Variants in LZTFL1 observed in about 807,000 individuals in gnomAD.
LZTFL1 encodes leucine zipper transcription factor like 1, also known as leucine zipper transcription factor-like protein 1.
A neutral mutation model predicts 45.9 loss-of-function variants in LZTFL1; 25 were observed. The ratio of observed to expected loss-of-function variants is 0.54; its 90% confidence interval spans 0.40 to 0.76. LZTFL1 has a LOEUF of 0.76. Ranked by LOEUF, LZTFL1 falls within the 30% of genes least tolerant of loss-of-function variation. The probability of loss-of-function intolerance (pLI) is 0.00; values close to 1 mark genes in which losing one functional copy is unlikely to be tolerated. For missense variants in LZTFL1, 277 were observed against 331.1 expected, an observed-to-expected ratio of 0.84 and a Z score of 1.27; for synonymous variants, 93 against 117.4, an observed-to-expected ratio of 0.79 and a Z score of 1.35.
At chr3:45,839,783 T>C (rs534184202) in intron 1 of LZTFL1, among the ~76,000 whole-genome samples, 3 of 152,304 alleles carry the variant, frequency 2.0e-5, no homozygotes, top group African/African-American at 7.2e-5. Context: ...AAGAAATGCA[T>C]ACAATTGGAT....
At chr3:45,885,939 C>G (rs1017593618) in intron 2 of LZTFL1, among the ~76,000 whole-genome samples, 1 of 152,184 alleles carries the variant, frequency 6.6e-6, no homozygotes, top group Non-Finnish European at 1.5e-5. Context: ...TGTTCTTGAA[C>G]TCCTAGGCTC....
intron 2 of LZTFL1, among the ~76,000 whole-genome samples, chr3:45,887,277 G>A (rs34338823): frequency 0.089 from 13,452 of 151,908 alleles, 1,028 homozygotes; most frequent in South Asian, 0.36. Context: ...GTGTGTGTGA[G>A]GTTGTGTTAC....
intron 2 of LZTFL1, among the ~76,000 whole-genome samples, chr3:45,879,038 C>A (rs182672186): frequency 6.6e-6 from 1 of 152,224 alleles, no homozygotes; most frequent in African/African-American, 2.4e-5. Flanking sequence ...TATGGAGCAT[C>A]AGGAACTCTT....
At chr3:45,869,943 A>G (rs1267185678) in intron 2 of LZTFL1, among the ~76,000 whole-genome samples, 3 of 152,246 alleles carry the variant, frequency 2.0e-5, no homozygotes, top group African/African-American at 7.2e-5. Context: ...TATGTCAACA[A>G]AAGTACTCGA....
chr3:45,882,195 A>G (rs778507303), intron 2 of LZTFL1, among the ~76,000 whole-genome samples: 25 of 152,228 alleles, frequency 1.6e-4, no homozygotes, highest in Admixed American at 8.5e-4. Context: ...CTGGGCTTCA[A>G]CCATGGCCAG....
At chr3:45,875,547 T>C (rs1424202946) in intron 2 of LZTFL1, among the ~76,000 whole-genome samples, 4 of 152,134 alleles carry the variant, frequency 2.6e-5, no homozygotes, top group Non-Finnish European at 5.9e-5. Context: ...TCTGGCCAGG[T>C]GCAGTGGCAC....
chr3:45,850,692 T>C (rs1430691869), intron 4 of LZTFL1, among the ~76,000 whole-genome samples: 2 of 152,138 alleles, frequency 1.3e-5, no homozygotes, highest in Non-Finnish European at 1.5e-5. Context: ...AAACACTCCT[T>C]ACCAAAGAGG....
At chr3:45,897,932 C>T (rs927014657) in intron 2 of LZTFL1, among the ~76,000 whole-genome samples, 5 of 139,372 alleles carry the variant, frequency 3.6e-5, no homozygotes, top group South Asian at 2.6e-4. Context: ...GCTTCACAGC[C>T]GTGGGCTCAG....
intron 7 of LZTFL1, among the ~76,000 whole-genome samples, chr3:45,830,379 A>G (rs1316942375): frequency 6.6e-6 from 1 of 152,238 alleles, no homozygotes; most frequent in Non-Finnish European, 1.5e-5. Context: ...AAGCATGAAG[A>G]ACTACAACAC....
chr3:45,899,212 AG>A (rs1347466115), intron 2 of LZTFL1, among the ~76,000 whole-genome samples: 1 of 152,254 alleles, frequency 6.6e-6, no homozygotes, highest in Non-Finnish European at 1.5e-5. Flanking sequence ...AGGACTTTTC[AG>A]ATCCTTCAAT....
intron 2 of LZTFL1, among the ~76,000 whole-genome samples, chr3:45,892,589 A>G (rs1702220849): frequency 6.6e-6 from 1 of 152,122 alleles, no homozygotes; most frequent in African/African-American, 2.4e-5. Flanking sequence ...GGGTGAGGAT[A>G]AAAAAACTAT....
chr3:45,893,724 C>T (rs1310487531), intron 2 of LZTFL1, among the ~76,000 whole-genome samples: 3 of 152,172 alleles, frequency 2.0e-5, no homozygotes, highest in Non-Finnish European at 2.9e-5. Flanking sequence ...CAGTTTTTGC[C>T]TACCACAGAG....
chr3:45,830,828 G>A (rs896551562), intron 7 of LZTFL1, 85 bp downstream of exon 7: 1 of 1,151,462 alleles, frequency 8.7e-7, no homozygotes, highest in Non-Finnish European at 1.3e-6. Flanking sequence ...GTGGGGTACA[G>A]TGAGCAGTAA....
At chr3:45,904,548 T>G (rs1016927881) in intron 2 of LZTFL1, among the ~76,000 whole-genome samples, 5 of 152,208 alleles carry the variant, frequency 3.3e-5, no homozygotes, top group African/African-American at 1.2e-4. Context: ...TTGTAGTTGT[T>G]ACAGAGAGTC....
At chr3:45,906,746 T>C (rs1051428260) in intron 2 of LZTFL1, among the ~76,000 whole-genome samples, 12 of 152,222 alleles carry the variant, frequency 7.9e-5, no homozygotes, top group African/African-American at 2.2e-4. Flanking sequence ...CCTTAATTCC[T>C]TCATGAAGAA....
upstream of LZTFL1, among the ~76,000 whole-genome samples, chr3:45,847,013 G>A (rs1701227798): frequency 6.6e-6 from 1 of 152,172 alleles, no homozygotes. Context: ...CTTCCAGATT[G>A]TCTAATGTCA....
upstream of LZTFL1, among the ~76,000 whole-genome samples, chr3:45,845,012 G>T (rs918187573): frequency 6.6e-6 from 1 of 152,090 alleles, no homozygotes; most frequent in Non-Finnish European, 1.5e-5. Flanking sequence ...AACAAACACC[G>T]AAACCATCAA....
rs2125676771 is a variant in LZTFL1 at position 45,828,577 on chromosome 3, G to A, written c.639C>T (p.Asn213=). ...IKAQDLSNLE[N]TVAALKSEFQ... is the part of the protein sequence containing the mutation. ...ACTCACTCTTTAAGGCAGCGACAGT[G>A]TTTTCTAAGTTACTTAAGTCTTGGG... is the stretch of plus-strand genomic sequence containing the variant. Residue 213 remains asparagine, a synonymous_variant, in exon 8 of 10, where the codon AAC becomes AAT. Transcript: ENST00000296135. 6.2e-7 allele frequency: 1 copy of A among 1,614,046 alleles called. No homozygotes were observed.
At chr3:45,861,183 A>T (rs1439517098) in intron 2 of LZTFL1, among the ~76,000 whole-genome samples, 1 of 147,446 alleles carries the variant, frequency 6.8e-6, no homozygotes, top group African/African-American at 2.5e-5. Flanking sequence ...TATTATAATT[A>T]TTTTGAAAGA....
Sources: gnomAD v4.1 joint callset for allele counts (sites outside exome capture counted in the v4.1 genomes callset) on GRCh38, gnomAD v4.1.1 for gene constraint, MANE v1.5 for transcripts, NCBI Gene and HGNC (gene_info 2026-07-23, HGNC 2026-07-21) for gene names.